Variants in POU6F2 observed in about 807,000 individuals in gnomAD.
The protein encoded by POU6F2 is POU class 6 homeobox 2, also known as POU domain, class 6, transcription factor 2.
Under a neutral mutation model 71.3 loss-of-function variants are expected in POU6F2, and 31 were observed. The observed-to-expected ratio is 0.43, with a 90% CI of 0.33 to 0.59. The LOEUF (loss-of-function observed/expected upper bound fraction) is 0.59. POU6F2 is among the 20% of genes least tolerant of loss of function. POU6F2 has a pLI of 0.04. For synonymous variants in POU6F2, 347 were observed against 355.7 expected (o/e 0.98, Z 0.27); for missense variants, 783 against 856.8 (o/e 0.91, Z 1.07).
intron 5 of POU6F2, among the ~76,000 whole-genome samples, chr7:39,374,970 T>C (rs1786682971): frequency 6.6e-6 from 1 of 152,148 alleles, no homozygotes; most frequent in Non-Finnish European, 1.5e-5. Flanking sequence ...GCAACATTAG[T>C]TTTTGTCCAG....
At chr7:39,412,979 A>C in intron 6 of POU6F2, among the ~76,000 whole-genome samples, 1 of 147,376 alleles carries the variant, frequency 6.8e-6, no homozygotes, top group African/African-American at 2.5e-5. Context: ...TTTTTTTTGT[A>C]TTTTTTAGTA....
At chr7:39,226,154 T>G (rs1196179985) in intron 4 of POU6F2, among the ~76,000 whole-genome samples, 1 of 152,156 alleles carries the variant, frequency 6.6e-6, no homozygotes, top group Non-Finnish European at 1.5e-5. Context: ...AATGAAATAT[T>G]AGACAAGTAA....
intron 4 of POU6F2, among the ~76,000 whole-genome samples, chr7:39,281,133 A>G (rs12113296): frequency 0.27 from 41,022 of 152,054 alleles, 6,281 homozygotes; most frequent in African/African-American, 0.41. Context: ...TTGATAAAAT[A>G]TACATAAAAT....
chr7:39,251,397 A>G (rs1269235339), intron 4 of POU6F2, among the ~76,000 whole-genome samples: 1 of 152,184 alleles, frequency 6.6e-6, no homozygotes, highest in Non-Finnish European at 1.5e-5. Context: ...AAGAGAATGA[A>G]CAAAATGACA....
intron 1 of POU6F2, among the ~76,000 whole-genome samples, chr7:39,033,323 C>A (rs895300964): frequency 2.6e-5 from 4 of 152,130 alleles, no homozygotes; most frequent in African/African-American, 9.7e-5. Context: ...AGGTTACAAG[C>A]GACTAATAAT....
At chr7:39,332,505 C>T (rs1044207467) in intron 4 of POU6F2, among the ~76,000 whole-genome samples, 2 of 152,060 alleles carry the variant, frequency 1.3e-5, no homozygotes, top group South Asian at 4.2e-4. Context: ...ATGTCTAAGT[C>T]TTTGTAAGTT....
At chr7:39,176,704 A>G (rs1793337923) in intron 2 of POU6F2, among the ~76,000 whole-genome samples, 1 of 152,238 alleles carries the variant, frequency 6.6e-6, no homozygotes. Flanking sequence ...ATGCATGCAT[A>G]CAAACACATA....
intron 4 of POU6F2, among the ~76,000 whole-genome samples, chr7:39,241,127 G>A (rs1178081032): frequency 6.6e-6 from 1 of 152,070 alleles, no homozygotes; most frequent in African/African-American, 2.4e-5. Context: ...CTGGAATTAG[G>A]TCGCATGCGT....
In POU6F2 at chr7:39,207,453, C is replaced by A. The variant is rs763062208; in HGVS notation, c.431C>A (p.Pro144Gln). The A allele has an allele frequency of 1.2e-6, 2 of 1,614,036 alleles. No homozygotes were observed. The highest frequency in any genetic ancestry group is 4.5e-5 in the East Asian group (2 of 44,878). ...AVAGVMPGGP[P>Q]ALNQPILIPF... ...GCCGGCGTGATGCCGGGAGGCCCCC[C>A]AGCCCTCAACCAGCCAATCCTCATT... is the stretch of plus-strand genomic sequence containing the variant. The change falls in exon 4 of 10, where the codon CCA (proline) becomes CAA (glutamine). Residue 144 changes from proline to glutamine, a missense_variant. Around this residue, in one of 2 missense-constraint regions of POU6F2, gnomAD observed 572 missense variants for 572.9 expected, o/e 1.00. Transcript: ENST00000518318.
chr7:39,466,788 A>G lies in POU6F2; in HGVS notation c.*2102A>G, dbSNP rs1583627225. 1.3e-5 allele frequency: 2 copies of G among 152,288 alleles called. No individual in the cohort carries two copies. The highest frequency in any genetic ancestry group is 4.1e-4 in the South Asian group (2 of 4,836). The allele number at this position is 152,288 out of a possible 1,614,324, so 9.4% of individuals were successfully genotyped here. On this transcript the variant is annotated 3_prime_UTR_variant, in exon 10 of 10. Coordinates refer to ENST00000518318, the MANE Select transcript of POU6F2 (RefSeq NM_001370959.1). The stretch of plus-strand genomic sequence containing the variant: ...AAAGGTGTTTCCATTTTACCAGTCA[A>G]TGCTAACTGGACCACAGCTAACTTG...
chr7:39,121,605 A>G (rs1167198379), intron 2 of POU6F2, among the ~76,000 whole-genome samples: 1 of 152,206 alleles, frequency 6.6e-6, no homozygotes, highest in Non-Finnish European at 1.5e-5. Flanking sequence ...TTCTTTGGCC[A>G]GCATAACTTT....
intron 1 of POU6F2, among the ~76,000 whole-genome samples, chr7:39,074,415 G>T (rs1790952286): frequency 6.6e-6 from 1 of 151,988 alleles, no homozygotes; most frequent in Admixed American, 6.5e-5. Flanking sequence ...GGAAGGCAGA[G>T]GTTGCAGTGA....
chr7:39,351,341 G>A (rs1786136115), intron 5 of POU6F2, among the ~76,000 whole-genome samples: 1 of 152,118 alleles, frequency 6.6e-6, no homozygotes, highest in South Asian at 2.1e-4. Context: ...AGCCCATCAG[G>A]AAAGGAAAAC....
intron 1 of POU6F2, among the ~76,000 whole-genome samples, chr7:39,064,788 A>G (rs1790724391): frequency 6.6e-6 from 1 of 151,782 alleles, no homozygotes; most frequent in South Asian, 2.1e-4. Flanking sequence ...GTAAAACTCA[A>G]ACAAAAAAAC....
chr7:39,301,581 C>T (rs1784949542), intron 4 of POU6F2, among the ~76,000 whole-genome samples: 1 of 152,212 alleles, frequency 6.6e-6, no homozygotes, highest in Admixed American at 6.5e-5. Context: ...TTTATGTGGT[C>T]AGGTTTGTGT....
chr7:39,073,043 G>T (rs1157852564), intron 1 of POU6F2, among the ~76,000 whole-genome samples: 1 of 152,024 alleles, frequency 6.6e-6, no homozygotes, highest in African/African-American at 2.4e-5. Flanking sequence ...CTTTTTTTAT[G>T]GTAGCTAATG....
At chr7:39,284,501 G>C (rs373716686) in intron 4 of POU6F2, among the ~76,000 whole-genome samples, 1 of 152,188 alleles carries the variant, frequency 6.6e-6, no homozygotes, top group Non-Finnish European at 1.5e-5. Flanking sequence ...ATGACCAGCT[G>C]TCTGGAAAAC....
intron 4 of POU6F2, among the ~76,000 whole-genome samples, chr7:39,272,255 T>C (rs1278892556): frequency 6.6e-6 from 1 of 152,156 alleles, no homozygotes; most frequent in Non-Finnish European, 1.5e-5. Context: ...AGTCGATTCA[T>C]CATCCTCCCA....
intron 1 of POU6F2, among the ~76,000 whole-genome samples, chr7:39,051,743 C>G (rs1024648139): frequency 6.6e-6 from 1 of 152,076 alleles, no homozygotes; most frequent in Non-Finnish European, 1.5e-5. Context: ...AGCATGTTCT[C>G]AGAAGCAATA....
Sources: allele counts gnomAD v4.1 joint callset (sites outside exome capture counted in the v4.1 genomes callset), GRCh38; gene constraint gnomAD v4.1.1; regional missense constraint gnomAD v4.1.1; transcripts MANE v1.5; gene names NCBI Gene and HGNC (gene_info 2026-07-23, HGNC 2026-07-21).